Variants in MAGI1 observed in about 807,000 individuals in gnomAD.
MAGI1 encodes membrane-associated guanylate kinase, WW and PDZ domain-containing protein 1.
Under a neutral mutation model 139.9 loss-of-function variants are expected in MAGI1, and 58 were observed. The observed-to-expected ratio is 0.41, with a 90% CI of 0.34 to 0.52. The LOEUF (loss-of-function observed/expected upper bound fraction) is 0.52, where lower values mean the gene tolerates loss of function less well. MAGI1 is among the 20% of genes least tolerant of loss of function. The pLI, the probability that MAGI1 is intolerant of heterozygous loss-of-function variation, is 0.12. For synonymous variants in MAGI1, 812 were observed against 737.9 expected, an observed-to-expected ratio of 1.10 and a Z score of -1.63; for missense variants, 1,874 against 1,901.6, an observed-to-expected ratio of 0.99 and a Z score of 0.27.
At chr3:65,603,789 T>C (rs1173352865) in intron 2 of MAGI1, among the ~76,000 whole-genome samples, 2 of 152,218 alleles carry the variant, frequency 1.3e-5, no homozygotes, top group African/African-American at 4.8e-5. Context: ...GGCAAGTTTG[T>C]CTTTTGAGGG....
intron 1 of MAGI1, among the ~76,000 whole-genome samples, chr3:65,726,505 T>C (rs1350135499): frequency 2.0e-5 from 3 of 152,178 alleles, no homozygotes; most frequent in Non-Finnish European, 4.4e-5. Context: ...CCTATTTTTG[T>C]GGTTATGTTG....
chr3:65,379,772 C>T (rs553983663), intron 16 of MAGI1, among the ~76,000 whole-genome samples: 1 of 152,290 alleles, frequency 6.6e-6, no homozygotes, highest in Admixed American at 6.5e-5. Flanking sequence ...CCACCTAACA[C>T]CAAATGGGAC....
At chr3:65,384,171 A>T (rs1943264072) in intron 14 of MAGI1, among the ~76,000 whole-genome samples, 1 of 152,220 alleles carries the variant, frequency 6.6e-6, no homozygotes, top group East Asian at 1.9e-4. Context: ...TAAGGCTAGC[A>T]ATGCTAATAG....
intron 1 of MAGI1, among the ~76,000 whole-genome samples, chr3:65,835,735 A>C (rs146525303): frequency 1.5e-3 from 226 of 152,328 alleles, no homozygotes; most frequent in Non-Finnish European, 2.5e-3. Context: ...AAATGAGAAC[A>C]TTCTTATTTT....
intron 1 of MAGI1, among the ~76,000 whole-genome samples, chr3:65,845,524 A>C (rs2058961960): frequency 1.3e-5 from 2 of 152,172 alleles, no homozygotes; most frequent in Admixed American, 6.5e-5. Context: ...GCACTCAAAA[A>C]ATGCCACCTA....
At chr3:65,823,779 C>A (rs1391130278) in intron 1 of MAGI1, among the ~76,000 whole-genome samples, 1 of 152,108 alleles carries the variant, frequency 6.6e-6, no homozygotes, top group Non-Finnish European at 1.5e-5. Context: ...CAGAGCTGAC[C>A]TATAAGCACT....
intron 1 of MAGI1, among the ~76,000 whole-genome samples, chr3:65,685,984 T>C (rs1194786873): frequency 6.6e-6 from 1 of 152,172 alleles, no homozygotes; most frequent in African/African-American, 2.4e-5. Context: ...AACAAATCTG[T>C]CAGCTGCAAA....
chr3:65,717,032 A>T lies in MAGI1; in HGVS notation c.314-94944T>A, dbSNP rs184847513. ...TGGCAAAAGTGACTTTGCCGATATG[A>T]TTAAGTAAAGGACCTTGAGATGGAG... On this transcript the variant is annotated intron_variant, in intron 1 of 22. Coordinates refer to ENST00000402939, the MANE Select transcript of MAGI1 (RefSeq NM_001033057.2). 2.6e-5 allele frequency among the ~76,000 whole-genome samples: 4 copies of T among 152,304 alleles called. No homozygotes were observed. The East Asian group carries it at 7.7e-4, about 29-fold the overall frequency.
At chr3:65,473,187 T>G (rs1950658400) in intron 4 of MAGI1, among the ~76,000 whole-genome samples, 1 of 152,138 alleles carries the variant, frequency 6.6e-6, no homozygotes. Flanking sequence ...ATTAATTTTG[T>G]CTTCAGGCCA....
chr3:65,972,212 A>C (rs2065045640), intron 1 of MAGI1, among the ~76,000 whole-genome samples: 1 of 152,246 alleles, frequency 6.6e-6, no homozygotes, highest in African/African-American at 2.4e-5. Context: ...GCAGCAGAAA[A>C]GAAGGTGAAG....
intron 12 of MAGI1, among the ~76,000 whole-genome samples, chr3:65,427,568 G>A (rs927919393): frequency 6.6e-6 from 1 of 152,138 alleles, no homozygotes; most frequent in Non-Finnish European, 1.5e-5. Context: ...CTGAATCAGA[G>A]GTGCACCTGA....
chr3:65,435,371 C>A (rs1052884483), intron 10 of MAGI1, among the ~76,000 whole-genome samples: 1 of 152,248 alleles, frequency 6.6e-6, no homozygotes, highest in Non-Finnish European at 1.5e-5. Context: ...GTGCACTAAG[C>A]ATTTGGCACT....
At chr3:65,427,708 T>A (rs1947158379) in intron 12 of MAGI1, among the ~76,000 whole-genome samples, 1 of 152,148 alleles carries the variant, frequency 6.6e-6, no homozygotes, top group African/African-American at 2.4e-5. Flanking sequence ...GGTGAACAGC[T>A]CAGAACTACT....
intron 2 of MAGI1, among the ~76,000 whole-genome samples, chr3:65,508,524 T>A (rs1334110206): frequency 3.9e-5 from 6 of 152,208 alleles, no homozygotes; most frequent in Non-Finnish European, 5.9e-5. Flanking sequence ...AAATTGGGCC[T>A]TTTCAAACAA....
chr3:65,625,036 C>A (rs983721458), intron 1 of MAGI1, among the ~76,000 whole-genome samples: 10 of 151,996 alleles, frequency 6.6e-5, no homozygotes, highest in Non-Finnish European at 1.3e-4. Context: ...CCACGCGCAG[C>A]GAGTTTTCAT....
At chr3:65,940,352 C>T (rs944703574) in intron 1 of MAGI1, among the ~76,000 whole-genome samples, 11 of 152,112 alleles carry the variant, frequency 7.2e-5, no homozygotes, top group African/African-American at 2.7e-4. Context: ...AATTTATTTC[C>T]CAGAGCTCTG....
At chr3:65,401,368 A>ACCCTCCC in intron 13 of MAGI1, 71 bp downstream of exon 13, 1 of 1,323,564 alleles carries the variant, frequency 7.6e-7, no homozygotes, top group Non-Finnish European at 1.1e-6. Context: ...CACACAGAGT[A>ACCCTCCC]CCCTCCCACC....
At chr3:65,953,540 C>T (rs1455623713) in intron 1 of MAGI1, among the ~76,000 whole-genome samples, 2 of 152,166 alleles carry the variant, frequency 1.3e-5, no homozygotes, top group Admixed American at 6.5e-5. Context: ...ACACTGTTGC[C>T]AGGGCTGAGC....
At chr3:65,879,874 A>G (rs555331212) in intron 1 of MAGI1, among the ~76,000 whole-genome samples, 1 of 152,306 alleles carries the variant, frequency 6.6e-6, no homozygotes, top group Non-Finnish European at 1.5e-5. Context: ...TCTGAAGCCC[A>G]TTCTCTAATT....
Sources: gnomAD v4.1 joint callset for allele counts (sites outside exome capture counted in the v4.1 genomes callset) on GRCh38, gnomAD v4.1.1 for gene constraint, MANE v1.5 for transcripts, NCBI Gene and HGNC (gene_info 2026-07-23, HGNC 2026-07-21) for gene names.